PSG7: variants seen among roughly 807,000 people sequenced by gnomAD.
The protein encoded by PSG7 is pregnancy-specific beta-1-glycoprotein 7.
A neutral mutation model predicts 45.6 loss-of-function variants in PSG7; 57 were observed. The observed-to-expected ratio is 1.25, with a 90% CI of 1.01 to 1.56. The LOEUF (loss-of-function observed/expected upper bound fraction) is 1.56. Among genes scored for constraint, PSG7 ranks in the 40% most tolerant of loss-of-function variants. PSG7 has a pLI of 0.00. For missense variants in PSG7, 796 were observed against 508.4 expected (o/e 1.57, Z -5.44); for synonymous variants, 298 against 194.4 (o/e 1.53, Z -4.43).
At chr19:42,930,127 T>G (rs150358238) in intron 2 of PSG7, among the ~76,000 whole-genome samples, 2,534 of 151,712 alleles carry the variant, frequency 0.017, 127 homozygotes, top group African/African-American at 0.058. Flanking sequence ...TGTTTTCTCT[T>G]CAGCTTCCCT....
intron 2 of PSG7, among the ~76,000 whole-genome samples, chr19:42,933,130 G>T (rs1489817027): frequency 1.4e-5 from 2 of 147,906 alleles, no homozygotes; most frequent in African/African-American, 5.0e-5. Flanking sequence ...TTAGTCCTGT[G>T]CCCCTGAAAC....
Position 42,927,945 on chromosome 19 carries a change from G to A in PSG7, c.710-1229C>T, listed in dbSNP as rs779558754. On this transcript the variant is annotated intron_variant, in intron 3 of 5. Coordinates refer to ENST00000406070, the MANE Select transcript of PSG7 (RefSeq NM_002783.3). ...TTCATTTTTTGATTCTGAAATATTT[G>A]TCATATACTTACTGGTTAAGCATCC... Among the ~76,000 whole-genome samples, 39 of 151,692 alleles carry A rather than the reference G, an allele frequency of 2.6e-4. 1 individual carries two copies. Among genetic ancestry groups the A allele is most frequent in the African/African-American group, 9.0e-4 (37 of 41,258 alleles).
At chr19:42,925,474 G>A in intron 5 of PSG7, 2 of 767,580 alleles carry the variant, frequency 2.6e-6, no homozygotes, top group East Asian at 6.5e-5. Context: ...TCCACATAAA[G>A]AATCAGCATA....
rs782486798 is a variant in PSG7, at chr19:42,935,746, G to C, written c.88C>G (p.Pro30Ala). Reference protein sequence around the residue: ...LTASLLNFWNPPTTAQVTIEA... With the variant: ...LTASLLNFWNAPTTAQVTIEA... ...ATCGTGACTTGGGCTGTGGTGGGCG[G>C]GTTCCAGAAGTTTAAAAGTGATGCT... Residue 30 changes from proline to alanine, a missense_variant, in exon 2 of 6, where the codon CCG (proline) becomes GCG (alanine). Coordinates refer to ENST00000406070, the MANE Select transcript of PSG7 (RefSeq NM_002783.3). 21 of 1,610,702 alleles carry C rather than the reference G, an allele frequency of 1.3e-5. 1 individual carries two copies. In the South Asian group the frequency reaches 2.1e-4, roughly 16 times the overall value.
rs1288392659 is a variant in PSG7, at chr19:42,926,861, A to G, written c.710-145T>C. 19 of 1,409,802 alleles carry G rather than the reference A, an allele frequency of 1.3e-5. No homozygotes were observed. The Admixed American group carries it at 2.1e-4, about 15-fold the overall frequency. The allele number at this position is 1,409,802 out of a possible 1,614,324, so 87.3% of individuals were successfully genotyped here. ...AGCTGGTGTGTGTGTCACAAGGTAGATGCATGATGATCTAAGGGCTCAAAG... is the reference window on the plus strand; with the variant it reads ...AGCTGGTGTGTGTGTCACAAGGTAGGTGCATGATGATCTAAGGGCTCAAAG... On this transcript the variant is annotated intron_variant, in intron 3 of 5. Coordinates refer to ENST00000406070, the MANE Select transcript of PSG7 (RefSeq NM_002783.3).
rs1184038104 is a variant in PSG7 at position 42,925,200 on chromosome 19, T to G, written c.1244-376A>C. On this transcript the variant is annotated intron_variant, in intron 5 of 5. Transcript: ENST00000406070. ...TTCATTCTAGCTATATTCTTAAATA[T>G]AACATCCCAGTCAAAGCCTTGGTAA... The G allele has an allele frequency of 2.2e-5, 7 of 321,008 alleles. 1 individual carries two copies. The highest frequency in any genetic ancestry group is 4.7e-5 in the Admixed American group (1 of 21,208). 19.9% of individuals were successfully genotyped at this position (321,008 alleles called of 1,614,324 possible).
Position 42,926,427 on chromosome 19 carries a change from A to C in PSG7, c.988+11T>G. 6.2e-7 allele frequency: 1 copy of C among 1,611,238 alleles called. No individual in the cohort carries two copies. The highest frequency in any genetic ancestry group is 8.5e-7 in the Non-Finnish European group (1 of 1,178,710). On this transcript the variant is annotated intron_variant, in intron 4 of 5. Coordinates refer to ENST00000406070, the MANE Select transcript of PSG7 (RefSeq NM_002783.3). ...CCCACAGAGGAAGAAAGGATACTCAAGGATACTCACAGAGGACATTCAGGG... is the reference window on the plus strand; with the variant it reads ...CCCACAGAGGAAGAAAGGATACTCACGGATACTCACAGAGGACATTCAGGG...
chr19:42,932,245 T>C (rs1973037144), intron 2 of PSG7, among the ~76,000 whole-genome samples: 2 of 151,528 alleles, frequency 1.3e-5, no homozygotes, highest in African/African-American at 4.8e-5. Flanking sequence ...GGATGGTCTG[T>C]ATCTCCTGAC....
chr19:42,935,754 A>T lies in PSG7; in HGVS notation c.80T>A (p.Phe27Tyr). The part of the protein sequence containing the change: ...GLLLTASLLN[F>Y]WNPPTTAQVT... The stretch of plus-strand genomic sequence containing the variant: ...TTGGGCTGTGGTGGGCGGGTTCCAG[A>T]AGTTTAAAAGTGATGCTAGGAGGTG... The change falls in exon 2 of 6, where the codon TTC becomes TAC. Residue 27 changes from phenylalanine to tyrosine, a missense_variant. Phe to Tyr is a conservative substitution (Grantham distance 22). Coordinates refer to ENST00000406070, the MANE Select transcript of PSG7 (RefSeq NM_002783.3). 1 of 1,610,136 alleles carries T rather than the reference A, an allele frequency of 6.2e-7. No individual in the cohort carries two copies. The highest frequency in any genetic ancestry group is 8.5e-7 in the Non-Finnish European group (1 of 1,178,276).
chr19:42,933,212 T>C (rs1973058115), intron 2 of PSG7, among the ~76,000 whole-genome samples: 1 of 135,728 alleles, frequency 7.4e-6, no homozygotes, highest in Non-Finnish European at 1.6e-5. Context: ...TCTGTCCTCC[T>C]GTTTGGCAGA....
At chr19:42,924,965 T>C in intron 5 of PSG7, 141 bp from the exon 6 acceptor site, 1 of 670,400 alleles carries the variant, frequency 1.5e-6, no homozygotes, top group Admixed American at 2.2e-5. Flanking sequence ...TAGAATAAGT[T>C]TGTTTGCAAA....
intron 2 of PSG7, among the ~76,000 whole-genome samples, chr19:42,934,611 A>G (rs542934270): frequency 6.6e-5 from 10 of 151,846 alleles, no homozygotes; most frequent in Admixed American, 6.6e-4. Context: ...GGAAATGTTC[A>G]CCAAACAGCA....
At position 42,929,740 on chromosome 19, in the gene PSG7, A is replaced by C; in HGVS notation, c.431-20T>G. The C allele has an allele frequency of 6.2e-7, 1 of 1,606,850 alleles. No individual in the cohort carries two copies. The stretch of plus-strand genomic sequence containing the variant: ...TCTCCACTGTGCGGAAAACAGAGAG[A>C]AGATTGCCCTGTGTGGCACCTTTGA... On this transcript the variant is annotated intron_variant, in intron 2 of 5. Coordinates refer to ENST00000406070, the MANE Select transcript of PSG7 (RefSeq NM_002783.3).
intron 5 of PSG7, chr19:42,925,492 A>G (rs1163363510): frequency 7.8e-5 from 69 of 882,712 alleles, no homozygotes; most frequent in Non-Finnish European, 1.1e-4. Flanking sequence ...ATATTTTCAA[A>G]TAAAAATCAT....
At chr19:42,925,685 G>A in intron 5 of PSG7, 88 bp downstream of exon 5, 7 of 1,601,684 alleles carry the variant, frequency 4.4e-6, no homozygotes, top group Non-Finnish European at 5.1e-6. Flanking sequence ...ACACAGGCTG[G>A]GAATACAAAT....
intron 2 of PSG7, among the ~76,000 whole-genome samples, chr19:42,934,462 G>A (rs1973102140): frequency 6.6e-6 from 1 of 151,486 alleles, no homozygotes; most frequent in African/African-American, 2.4e-5. Flanking sequence ...TGTGACTCTG[G>A]CTCAGTGACT....
chr19:42,933,720 CAG>C (rs1170038627), intron 2 of PSG7, among the ~76,000 whole-genome samples: 1 of 150,938 alleles, frequency 6.6e-6, no homozygotes, highest in African/African-American at 2.4e-5. Context: ...CACAGAGAAG[CAG>C]AGAGAGGCAG....
rs756570752 is a variant in PSG7 at position 42,937,183 on chromosome 19, C to T, written c.-107G>A. 1.4e-5 allele frequency: 21 copies of T among 1,476,968 alleles called. No homozygotes were observed. Among genetic ancestry groups the T allele is most frequent in the East Asian group, 2.3e-5 (1 of 42,788 alleles). The allele number at this position is 1,476,968 out of a possible 1,614,324, so 91.5% of individuals were successfully genotyped here. ...TGTCCTTCCTCCTTCTGCACTGAGC[C>T]TCTTCCCGGGGCAGGAGCACTTCTC... On this transcript the variant is annotated 5_prime_UTR_variant, in exon 1 of 6. Transcript: ENST00000406070.
intron 4 of PSG7, 51 bp downstream of exon 4, chr19:42,926,387 A>C: frequency 1.2e-6 from 2 of 1,603,466 alleles, no homozygotes; most frequent in Non-Finnish European, 8.5e-7. Flanking sequence ...GTTTGGAGTT[A>C]AGCTGGTGTC....
Sources: gnomAD v4.1 joint callset for allele counts (sites outside exome capture counted in the v4.1 genomes callset) on GRCh38, gnomAD v4.1.1 for gene constraint, MANE v1.5 for transcripts, NCBI Gene and HGNC (gene_info 2026-07-23, HGNC 2026-07-21) for gene names.